The following FMR1 variants were observed in gnomAD, a reference collection of about 807,000 sequenced individuals.
FMR1 encodes fragile X messenger ribonucleoprotein 1, also known as FMRP translational regulator 1.
Under a neutral mutation model 50.6 loss-of-function variants are expected in FMR1, and 13 were observed. The observed-to-expected ratio is 0.26, with a 90% CI of 0.17 to 0.41. FMR1 has a LOEUF of 0.41. FMR1 is among the 10% of genes least tolerant of loss of function. The probability of loss-of-function intolerance (pLI) is 1.00; values close to 1 mark genes in which losing one functional copy is unlikely to be tolerated. For synonymous variants in FMR1, 138 were observed against 164.1 expected (o/e 0.84, Z 1.22); for missense variants, 316 against 491.3 (o/e 0.64, Z 3.37).
chrX:147,940,732 T>A, intron 13 of FMR1, 70 bp downstream of exon 13: 1 of 715,536 alleles, frequency 1.4e-6, no homozygotes, highest in South Asian at 2.2e-5. Flanking sequence ...AGTAGATCTT[T>A]CAGCAGTTAG....
chrX:147,933,410 T>G (rs782150817), intron 9 of FMR1: 4 of 973,112 alleles, frequency 4.1e-6, no homozygotes, highest in Non-Finnish European at 5.4e-6. Flanking sequence ...GGGTTGAAGA[T>G]CTGAACATAG....
intron 4 of FMR1, 88 bp downstream of exon 4, chrX:147,928,481 G>C (rs782620223): frequency 1.5e-5 from 12 of 800,932 alleles, no homozygotes; most frequent in Non-Finnish European, 2.2e-5. Flanking sequence ...TTTCTATTTT[G>C]AAGTAATATC....
rs1438026952 is a variant in FMR1 at position 147,947,575 on chromosome X, T to C, written c.1738-1108T>C. The C allele has an allele frequency of 2.7e-5, 3 of 109,902 alleles. No homozygotes were observed. The East Asian group carries it at 8.6e-4, about 31-fold the overall frequency. 9.1% of individuals were successfully genotyped at this position (109,902 alleles called of 1,213,427 possible). On this transcript the variant is annotated intron_variant, in intron 16 of 16. Transcript: ENST00000370475. The stretch of plus-strand genomic sequence containing the variant: ...AATACAAAAAATTAGCCGGGCATGG[T>C]GGCGGGCACCTATAGTCCCAGCTAC...
rs1557174035 is a variant in FMR1 at position 147,912,250 on chromosome X, G to T, written c.51+20G>T. 1.7e-6 allele frequency: 2 copies of T among 1,152,814 alleles called. No individual in the cohort carries two copies. Among genetic ancestry groups the T allele is most frequent in the African/African-American group, 3.6e-5 (2 of 55,206 alleles). ...TACAAGGTACTTGGCTCTAGGGCAG[G>T]CCCCATCTTCGCCCTTCCTTCCCTC... On this transcript the variant is annotated intron_variant, in intron 1 of 16. Coordinates refer to ENST00000370475, the MANE Select transcript of FMR1 (RefSeq NM_002024.6).
chrX:147,949,982 C>G lies in FMR1; in HGVS notation c.*1138C>G, dbSNP rs2124589598. ...TGAAATATATGGTCTAATGTTTAAG[C>G]AGAATTGGAAAAGACTAAGATCGGT... is the stretch of plus-strand genomic sequence containing the variant. On this transcript the variant is annotated 3_prime_UTR_variant, in exon 17 of 17. Transcript: ENST00000370475. 3.2e-6 allele frequency: 1 copy of G among 315,668 alleles called. No individual in the cohort carries two copies. The highest frequency in any genetic ancestry group is 6.0e-6 in the Non-Finnish European group (1 of 166,559). 26.0% of individuals were successfully genotyped at this position (315,668 alleles called of 1,213,427 possible).
Position 147,945,597 on chromosome X carries a change from C to A in FMR1, c.1718C>A (p.Thr573Lys). 1 of 1,200,279 alleles carries A rather than the reference C, an allele frequency of 8.3e-7. No homozygotes were observed. Among genetic ancestry groups the A allele is most frequent in the Non-Finnish European group, 1.1e-6 (1 of 884,869 alleles). Residue 573 changes from threonine to lysine, a missense_variant, in exon 16 of 17, where the codon ACA becomes AAA. Physicochemically the swap from Thr to Lys is moderately conservative, Grantham distance 78. Coordinates refer to ENST00000370475, the MANE Select transcript of FMR1 (RefSeq NM_002024.6). ...PRNPREAKGR[T>K]TDGSLQIRVD... is the part of the protein sequence containing the mutation. The stretch of plus-strand genomic sequence containing the variant: ...AATCCAAGAGAGGCTAAAGGAAGAA[C>A]AACAGATGGATCCCTTCAGGTAAAA...
Position 147,923,533 on chromosome X carries a change from T to A in FMR1, c.104+1548T>A, listed in dbSNP as rs888103788. Among the ~76,000 whole-genome samples the A allele has an allele frequency of 3.6e-5, 4 of 112,195 alleles. No individual in the cohort carries two copies. The South Asian group carries it at 1.5e-3, about 41-fold the overall frequency. On this transcript the variant is annotated intron_variant, in intron 2 of 16. Coordinates refer to ENST00000370475, the MANE Select transcript of FMR1 (RefSeq NM_002024.6). ...TTCCTGTAGTCTATAATCTAAAGTGTTAAGCAAACACTCATTTCCTCTATG... is the reference window on the plus strand; with the variant it reads ...TTCCTGTAGTCTATAATCTAAAGTGATAAGCAAACACTCATTTCCTCTATG...
chrX:147,928,216 A>T, intron 3 of FMR1, 106 bp from the exon 4 acceptor site: 1 of 697,137 alleles, frequency 1.4e-6, no homozygotes, highest in Non-Finnish European at 2.3e-6. Flanking sequence ...TGTGGTTTTT[A>T]AAGACACCTA....
intron 9 of FMR1, among the ~76,000 whole-genome samples, chrX:147,934,901 CA>C (rs1357276848): frequency 9.0e-6 from 1 of 111,597 alleles, no homozygotes; most frequent in Non-Finnish European, 1.9e-5. Flanking sequence ...CTATTTTTCA[CA>C]AACTCTCTTT....
intron 14 of FMR1, chrX:147,944,108 A>G: frequency 1.3e-6 from 1 of 743,183 alleles, no homozygotes; most frequent in Non-Finnish European, 1.6e-6. Flanking sequence ...AGAGTTACCT[A>G]CTCCTAAGGC....
At chrX:147,915,573 A>G (rs782756294) in intron 1 of FMR1, among the ~76,000 whole-genome samples, 1 of 110,922 alleles carries the variant, frequency 9.0e-6, no homozygotes, top group South Asian at 3.8e-4. Context: ...GCATTTTCTA[A>G]CCCCATACTT....
chrX:147,940,398 A>C (rs1434293009), intron 12 of FMR1, 178 bp from the exon 13 acceptor site: 2 of 450,016 alleles, frequency 4.4e-6, no homozygotes, highest in African/African-American at 4.9e-5. Context: ...TATTCACAGT[A>C]GATGTGTAAA....
rs1557183200 is a variant in FMR1 at position 147,949,992 on chromosome X, A to C, written c.*1148A>C. 3.2e-6 allele frequency: 1 copy of C among 316,433 alleles called. No individual in the cohort carries two copies. The highest frequency in any genetic ancestry group is 6.0e-6 in the Non-Finnish European group (1 of 166,723). 26.1% of individuals were successfully genotyped at this position (316,433 alleles called of 1,213,427 possible). ...GGTCTAATGTTTAAGCAGAATTGGA[A>C]AAGACTAAGATCGGTTAACAAATAA... On this transcript the variant is annotated 3_prime_UTR_variant, in exon 17 of 17. Transcript: ENST00000370475.
intron 7 of FMR1, among the ~76,000 whole-genome samples, chrX:147,932,073 G>A (rs1034935475): frequency 7.2e-5 from 8 of 111,503 alleles, no homozygotes; most frequent in Admixed American, 1.9e-4. Context: ...TTGTCAGACC[G>A]AGTGAGCTGG....
intron 16 of FMR1, among the ~76,000 whole-genome samples, chrX:147,946,143 C>T (rs1393611618): frequency 2.4e-5 from 1 of 41,545 alleles, no homozygotes; most frequent in Non-Finnish European, 4.2e-5. Flanking sequence ...TCCCAGTGTG[C>T]TGGGATTACA....
In FMR1 at chrX:147,929,981, A is replaced by G. The variant is rs781936295; in HGVS notation, c.453A>G (p.Lys151=). ...AAGAGGCGGCACATAAGGATTTTAA[A>G]AAGGCAGTTGGTGCCTTTTCTGTAA... is the stretch of plus-strand genomic sequence containing the variant. The part of the protein sequence containing the change: ...CAKEAAHKDF[K]KAVGAFSVTY... Residue 151 remains lysine (K), a synonymous_variant, in exon 6 of 17, where the codon AAA becomes AAG. Coordinates refer to ENST00000370475, the MANE Select transcript of FMR1 (RefSeq NM_002024.6). The G allele has an allele frequency of 4.1e-6, 5 of 1,208,387 alleles. No individual in the cohort carries two copies. Among genetic ancestry groups the G allele is most frequent in the Non-Finnish European group, 5.6e-6 (5 of 892,479 alleles).
chrX:147,944,962 G>C lies in FMR1; in HGVS notation c.1565G>C (p.Arg522Thr). 8.3e-7 allele frequency: 1 copy of C among 1,208,624 alleles called. No homozygotes were observed. Among genetic ancestry groups the C allele is most frequent in the Non-Finnish European group, 1.1e-6 (1 of 893,804 alleles). ...TCATTAGCTCCAACAGAGGAAGAGA[G>C]GGAGAGCTTCCTGCGCAGAGGAGAC... ...DWSLAPTEEE[R>T]ESFLRRGDGR... The change falls in exon 15 of 17, where the codon AGG becomes ACG. Residue 522 changes from arginine to threonine, a missense_variant. By Grantham distance (71) the Arg-to-Thr change is moderately conservative. This residue lies in a region of FMR1 where 124 missense variants were observed against 160.8 expected (regional missense o/e 0.77). Transcript: ENST00000370475.
rs984596167 is a variant in FMR1 at position 147,940,683 on chromosome X, A to G, written c.1275+21A>G. 6 of 1,007,034 alleles carry G rather than the reference A, an allele frequency of 6.0e-6. No homozygotes were observed. The African/African-American group carries it at 9.4e-5, about 16-fold the overall frequency. The allele number at this position is 1,007,034 out of a possible 1,213,427, so 83.0% of individuals were successfully genotyped here. A position where few individuals can be genotyped will look rare whatever the true frequency, so the allele number is the denominator to read the frequency against. On this transcript the variant is annotated intron_variant, in intron 13 of 16. Coordinates refer to ENST00000370475, the MANE Select transcript of FMR1 (RefSeq NM_002024.6). ...TAAAGGTGAGAACAGAAAGAACTTT[A>G]ACTTCTAATCCTTTTGTACTAAAAT...
intron 1 of FMR1, among the ~76,000 whole-genome samples, chrX:147,917,996 C>G (rs2124439191): frequency 8.9e-6 from 1 of 111,915 alleles, no homozygotes; most frequent in South Asian, 3.8e-4. Context: ...AATTTGCTGC[C>G]TTTGGAAACC....
Sources: allele counts gnomAD v4.1 joint callset (sites outside exome capture counted in the v4.1 genomes callset), GRCh38; gene constraint gnomAD v4.1.1; regional missense constraint gnomAD v4.1.1; transcripts MANE v1.5; gene names NCBI Gene and HGNC (gene_info 2026-07-23, HGNC 2026-07-21).